DOK4: variants seen among roughly 807,000 people sequenced by gnomAD.
The protein encoded by DOK4 is downstream of tyrosine kinase 4.
DOK4 carries 26 observed loss-of-function variants against 40.1 expected under a neutral mutation model. The ratio of observed to expected loss-of-function variants is 0.65; its 90% CI spans 0.48 to 0.90. The LOEUF is 0.90. DOK4 is among the 40% of genes least tolerant of loss of function. DOK4 has a pLI of 0.00. For synonymous variants in DOK4, 179 were observed against 177.0 expected (o/e 1.01, Z -0.09); for missense variants, 392 against 437.2 (o/e 0.90, Z 0.92).
At chr16:57,478,152 C>G (rs551824012) in intron 2 of DOK4, among the ~76,000 whole-genome samples, 2 of 152,354 alleles carry the variant, frequency 1.3e-5, no homozygotes, top group African/African-American at 4.8e-5. Flanking sequence ...TCTCTTTGTT[C>G]TGTGCTCCAA....
exon 6 of DOK4, chr16:57,474,879 G>C: frequency 1.2e-6 from 2 of 1,614,188 alleles, no homozygotes; most frequent in Non-Finnish European, 8.5e-7. Context: ...TCACACGGGG[G>C]TTGTGGATGT....
chr16:57,480,433 C>G (rs2031373193), intron 1 of DOK4: 2 of 152,444 alleles, frequency 1.3e-5, no homozygotes, highest in Admixed American at 1.3e-4. Context: ...GGGCGGGCCT[C>G]CAGATAAGCC....
In DOK4 at chr16:57,475,109, C is replaced by G. The variant is rs769986058; in HGVS notation, c.400G>C (p.Glu134Gln). Reference sequence around the variant, plus strand: ...CAGGGCCCGGCCTCACCTGTCTGTTCACACTGCACCCCTGGGGCCAGGAGG... The same window carrying G: ...CAGGGCCCGGCCTCACCTGTCTGTTGACACTGCACCCCTGGGGCCAGGAGG... The change falls in exon 5 of 9, where the codon GAA becomes CAA. Residue 134 changes from glutamate to glutamine, a missense_variant. Coordinates refer to ENST00000340099, the Ensembl canonical transcript of DOK4. 6 of 1,609,788 alleles carry G rather than the reference C, an allele frequency of 3.7e-6. No homozygotes were observed. The Admixed American group carries it at 8.3e-5, about 22-fold the overall frequency.
At chr16:57,478,643 G>A (rs1010660155) in intron 2 of DOK4, 1 of 152,422 alleles carries the variant, frequency 6.6e-6, no homozygotes, top group East Asian at 1.9e-4. Flanking sequence ...TCTTCTAGGG[G>A]GTCTTCACCA....
chr16:57,473,692 G>A, exon 8 of DOK4: 1 of 1,614,144 alleles, frequency 6.2e-7, no homozygotes, highest in Non-Finnish European at 8.5e-7. Flanking sequence ...GCATGGTCGT[G>A]GGTGTGCAGG....
At chr16:57,482,939 G>A (rs557541250) in intron 1 of DOK4, among the ~76,000 whole-genome samples, 2 of 152,256 alleles carry the variant, frequency 1.3e-5, no homozygotes, top group East Asian at 1.9e-4. Context: ...CCCCAAGCTC[G>A]CAGGAGTGCT....
intron 1 of DOK4, among the ~76,000 whole-genome samples, chr16:57,481,050 G>T (rs1023109277): frequency 2.6e-5 from 4 of 152,164 alleles, no homozygotes; most frequent in African/African-American, 7.2e-5. Flanking sequence ...CAGGATCAGC[G>T]GGTGGGAACG....
chr16:57,485,117 C>T lies in DOK4; in HGVS notation c.-182+1188G>A, dbSNP rs545222094. Among the ~76,000 whole-genome samples the T allele has an allele frequency of 1.3e-5, 2 of 152,358 alleles. No individual in the cohort carries two copies. Among genetic ancestry groups the T allele is most frequent in the Admixed American group, 1.3e-4 (2 of 15,310 alleles). On this transcript the variant is annotated intron_variant, in intron 1 of 8. Transcript: ENST00000340099. This position sits in a 1 kb window ranked among gnomAD's most constrained non-coding sequence, Gnocchi z 4.3. ...AGAGGTGCGTGAGCCACAGTGGGCTCCCAGCTCCTGGGTCTCAGCGCTGAC... is the reference window on the plus strand; with the variant it reads ...AGAGGTGCGTGAGCCACAGTGGGCTTCCAGCTCCTGGGTCTCAGCGCTGAC...
chr16:57,475,965 G>T lies in DOK4; in HGVS notation c.67-8C>A. 6 of 1,610,470 alleles carry T rather than the reference G, an allele frequency of 3.7e-6. No individual in the cohort carries two copies. Among genetic ancestry groups the T allele is most frequent in the Non-Finnish European group, 4.2e-6 (5 of 1,178,454 alleles). ...CCAGCACCTCCGGTAGATCTGTGGA[G>T]CGAGATGACAGGGCTCAGGCCTCCC... On this transcript the variant is annotated splice_region_variant and splice_polypyrimidine_tract_variant and intron_variant, in intron 2 of 8. Transcript: ENST00000340099.
At chr16:57,476,044 G>A in intron 2 of DOK4, 87 bp from the exon 3 acceptor site, 1 of 1,178,344 alleles carries the variant, frequency 8.5e-7, no homozygotes, top group Non-Finnish European at 1.2e-6. Flanking sequence ...GCCTGCCACA[G>A]GGGGCGGTGC....
exon 1 of DOK4, chr16:57,486,433 G>C (rs1302825004): frequency 6.6e-6 from 1 of 152,038 alleles, no homozygotes; most frequent in Non-Finnish European, 1.5e-5. Flanking sequence ...CGGGGACGGC[G>C]AGGGAGGCGC....
intron 1 of DOK4, chr16:57,484,246 AT>A (rs2031488895): frequency 6.6e-6 from 1 of 152,264 alleles, no homozygotes; most frequent in Non-Finnish European, 1.5e-5. Flanking sequence ...ATCGGATCTT[AT>A]CAGGGCTGCA....
At chr16:57,473,131 A>G (rs1361832294) in exon 9 of DOK4, 1 of 544,390 alleles carries the variant, frequency 1.8e-6, no homozygotes, top group East Asian at 3.0e-5. Flanking sequence ...GTATGTCATA[A>G]GCCATATATA....
intron 1 of DOK4, among the ~76,000 whole-genome samples, chr16:57,482,278 C>T (rs1301327556): frequency 6.6e-6 from 1 of 152,142 alleles, no homozygotes; most frequent in Non-Finnish European, 1.5e-5. Context: ...CCACCCACCT[C>T]AGCCTCCTGA....
At chr16:57,477,464 T>A (rs1166490674) in intron 2 of DOK4, among the ~76,000 whole-genome samples, 1 of 152,166 alleles carries the variant, frequency 6.6e-6, no homozygotes, top group Admixed American at 6.5e-5. Context: ...TGAATGACCA[T>A]ATGAAGGAAC....
At position 57,479,624 on chromosome 16, in the gene DOK4, C is replaced by A; in HGVS notation, c.-117G>T. ...TCCAGACACTCTGTCGGGGCTGCCG[C>A]GAGGGGCTGCTCCTCACCTCACCCG... On this transcript the variant is annotated 5_prime_UTR_variant, in exon 2 of 9. Transcript: ENST00000340099. This position sits in a 1 kb window ranked among gnomAD's most constrained non-coding sequence, Gnocchi z 5.8. 9.2e-7 allele frequency: 1 copy of A among 1,089,342 alleles called. No homozygotes were observed. Among genetic ancestry groups the A allele is most frequent in the East Asian group, 2.4e-5 (1 of 41,238 alleles). 67.5% of individuals were successfully genotyped at this position (1,089,342 alleles called of 1,614,324 possible). A position where few individuals can be genotyped will look rare whatever the true frequency, so the allele number is the denominator to read the frequency against.
intron 2 of DOK4, 27 bp from the exon 3 acceptor site, chr16:57,475,984 G>C (rs1322228914): frequency 2.5e-6 from 4 of 1,587,562 alleles, no homozygotes; most frequent in South Asian, 2.2e-5. Flanking sequence ...CAGGGCTCAG[G>C]CCTCCCTGGA....
chr16:57,477,788 CTGAGA>C (rs1207575159), intron 2 of DOK4, among the ~76,000 whole-genome samples: 10 of 152,208 alleles, frequency 6.6e-5, no homozygotes, highest in Admixed American at 4.6e-4. Flanking sequence ...CCTCTGTGGG[CTGAGA>C]TGAGAATGGC....
At chr16:57,480,046 C>T (rs2031359035) in intron 1 of DOK4, 1 of 152,434 alleles carries the variant, frequency 6.6e-6, no homozygotes, top group African/African-American at 2.4e-5. Context: ...GGGATCGTGG[C>T]CCCATCAACT....
Sources: gnomAD v4.1 joint callset for allele counts (sites outside exome capture counted in the v4.1 genomes callset) on GRCh38, gnomAD v4.1.1 for gene constraint, Gnocchi (gnomAD v3.1) non-coding constraint, MANE v1.5 for transcripts, NCBI Gene and HGNC (gene_info 2026-07-23, HGNC 2026-07-21) for gene names.